Variants in RPS6KC1 observed in about 807,000 individuals in gnomAD.
RPS6KC1 encodes the protein ribosomal protein S6 kinase C1, also known as inactive ribosomal protein S6 kinase delta-1.
A neutral mutation model predicts 103.8 loss-of-function variants in RPS6KC1; 54 were observed. The ratio of observed to expected loss-of-function variants is 0.52; its 90% CI spans 0.42 to 0.65. The LOEUF (loss-of-function observed/expected upper bound fraction) is 0.65. RPS6KC1 is among the 30% of genes least tolerant of loss of function. RPS6KC1 has a pLI of 0.00. For synonymous variants in RPS6KC1, 439 were observed against 438.7 expected (o/e 1.00, Z -0.01); for missense variants, 1,151 against 1,253.8 (o/e 0.92, Z 1.24).
the RPS6KC1 span, among the ~76,000 whole-genome samples, chr1:213,465,897 C>T: frequency 6.6e-6 from 1 of 152,142 alleles, no homozygotes; most frequent in Admixed American, 6.5e-5. Context: ...TCCACAACTG[C>T]CCTCATTTCC....
chr1:213,482,703 C>T, the RPS6KC1 span, among the ~76,000 whole-genome samples: 2 of 151,754 alleles, frequency 1.3e-5, no homozygotes, highest in Admixed American at 6.6e-5. Context: ...CATGCACCAC[C>T]ACGCCCAGCT....
chr1:213,121,410 T>C (rs1447733592), intron 5 of RPS6KC1, among the ~76,000 whole-genome samples: 1 of 152,236 alleles, frequency 6.6e-6, no homozygotes, highest in East Asian at 1.9e-4. Context: ...ATTTTAAAAA[T>C]GAAATCCTGG....
intron 12 of RPS6KC1, among the ~76,000 whole-genome samples, chr1:213,251,118 T>TG (rs925133169): frequency 3.4e-5 from 5 of 147,808 alleles, no homozygotes; most frequent in East Asian, 3.9e-4. Context: ...TTTTTTTTTT[T>TG]TTTTTTGAGA....
chr1:213,734,976 T>G, the RPS6KC1 span, among the ~76,000 whole-genome samples: 3 of 152,110 alleles, frequency 2.0e-5, no homozygotes, highest in African/African-American at 7.2e-5. Flanking sequence ...CAGGCTGGAG[T>G]GTAGTGGCTT....
chr1:213,860,951 G>A, the RPS6KC1 span, among the ~76,000 whole-genome samples: 3 of 151,884 alleles, frequency 2.0e-5, no homozygotes, highest in Non-Finnish European at 2.9e-5. Flanking sequence ...TGATATTACA[G>A]GCGTGCACCA....
At chr1:213,360,275 T>C in the RPS6KC1 span, among the ~76,000 whole-genome samples, 1 of 152,210 alleles carries the variant, frequency 6.6e-6, no homozygotes, top group African/African-American at 2.4e-5. Flanking sequence ...CTTTTTTCTC[T>C]AAACTTCTCT....
chr1:213,801,210 C>T, the RPS6KC1 span, among the ~76,000 whole-genome samples: 8 of 152,202 alleles, frequency 5.3e-5, no homozygotes, highest in East Asian at 1.2e-3. Flanking sequence ...GACATGCTTA[C>T]GATATTCTTC....
At chr1:213,588,298 T>C in the RPS6KC1 span, among the ~76,000 whole-genome samples, 2 of 139,686 alleles carry the variant, frequency 1.4e-5, no homozygotes, top group Non-Finnish European at 3.0e-5. Flanking sequence ...ACCTCTGTCT[T>C]TTTTTTTTTT....
the RPS6KC1 span, among the ~76,000 whole-genome samples, chr1:213,631,656 C>T: frequency 6.6e-6 from 1 of 152,088 alleles, no homozygotes; most frequent in Non-Finnish European, 1.5e-5. Context: ...CCAATTTAAT[C>T]TTCCACCAGT....
At chr1:213,636,465 A>G in the RPS6KC1 span, among the ~76,000 whole-genome samples, 2 of 152,182 alleles carry the variant, frequency 1.3e-5, no homozygotes, top group African/African-American at 4.8e-5. Flanking sequence ...AACACCACAC[A>G]TCTACAACTC....
chr1:213,260,236 C>T (rs2094753087), intron 12 of RPS6KC1, among the ~76,000 whole-genome samples: 1 of 152,178 alleles, frequency 6.6e-6, no homozygotes, highest in East Asian at 1.9e-4. Context: ...TTTCTTTTTA[C>T]TACCTAGTTG....
chr1:213,553,189 G>A, the RPS6KC1 span, among the ~76,000 whole-genome samples: 4 of 152,054 alleles, frequency 2.6e-5, no homozygotes, highest in Non-Finnish European at 5.9e-5. Flanking sequence ...AGGCCCTAAT[G>A]TCTATTGCTC....
the RPS6KC1 span, among the ~76,000 whole-genome samples, chr1:213,542,681 T>A: frequency 6.6e-6 from 1 of 152,244 alleles, no homozygotes; most frequent in East Asian, 1.9e-4. Context: ...GGTTTCTTAA[T>A]GTCTTGAGAG....
the RPS6KC1 span, among the ~76,000 whole-genome samples, chr1:213,418,300 C>T: frequency 6.6e-6 from 1 of 152,142 alleles, no homozygotes; most frequent in Non-Finnish European, 1.5e-5. Context: ...TGCTTGTACA[C>T]TAAATGGGGG....
At chr1:213,150,436 T>C (rs1484202276) in intron 6 of RPS6KC1, among the ~76,000 whole-genome samples, 1 of 148,000 alleles carries the variant, frequency 6.8e-6, no homozygotes, top group Non-Finnish European at 1.5e-5. Context: ...AGGTCTCTGG[T>C]TTTCCTAGGC....
chr1:213,238,890 C>G (rs922170340), intron 10 of RPS6KC1, among the ~76,000 whole-genome samples: 1 of 152,112 alleles, frequency 6.6e-6, no homozygotes, highest in Non-Finnish European at 1.5e-5. Context: ...TTGAAAACCA[C>G]CCAAATCATT....
chr1:213,581,802 CTGG>C, the RPS6KC1 span, among the ~76,000 whole-genome samples: 1 of 152,082 alleles, frequency 6.6e-6, no homozygotes, highest in African/African-American at 2.4e-5. Context: ...TTTGCATTCG[CTGG>C]TATTATGCTT....
chr1:213,609,480 G>A, the RPS6KC1 span, among the ~76,000 whole-genome samples: 1 of 152,088 alleles, frequency 6.6e-6, no homozygotes, highest in South Asian at 2.1e-4. Context: ...GCCCCTTCTT[G>A]GCTACCTGTT....
At chr1:213,602,036 C>T in the RPS6KC1 span, among the ~76,000 whole-genome samples, 102 of 18,844 alleles carry the variant, frequency 5.4e-3, 16 homozygotes, top group Middle Eastern at 0.042. Context: ...TTCTCTTTCT[C>T]TTTCTTTCTT....
Sources: gnomAD v4.1 joint callset for allele counts (sites outside exome capture counted in the v4.1 genomes callset) on GRCh38, gnomAD v4.1.1 for gene constraint, MANE v1.5 for transcripts, NCBI Gene and HGNC (gene_info 2026-07-23, HGNC 2026-07-21) for gene names.